The following WWC2 variants were observed in gnomAD, a reference collection of about 807,000 sequenced individuals.
WWC2 encodes protein WWC2.
In WWC2, 101 loss-of-function variants were observed where a neutral mutation model predicts 138.5. That is an observed-to-expected ratio of 0.73 (90% CI 0.62 to 0.86). The LOEUF (loss-of-function observed/expected upper bound fraction) is 0.86, where lower values mean the gene tolerates loss of function less well. Among genes scored for constraint, WWC2 ranks in the 40% least tolerant of loss-of-function variants. The pLI is 0.00. For synonymous variants in WWC2, 558 were observed against 538.4 expected (o/e 1.04, Z -0.50); for missense variants, 1,420 against 1,419.4 (o/e 1.00, Z -0.01).
intron 1 of WWC2, among the ~76,000 whole-genome samples, chr4:183,153,016 C>T (rs2111121062): frequency 6.6e-6 from 1 of 152,270 alleles, no homozygotes; most frequent in South Asian, 2.1e-4. Flanking sequence ...CTGTCTCAGC[C>T]TCCGCAGTAG....
Position 183,107,192 on chromosome 4 carries a change from C to G in WWC2, c.131+7570C>G, listed in dbSNP as rs1192712425. Among the ~76,000 whole-genome samples, 24 of 151,956 alleles carry G rather than the reference C, an allele frequency of 1.6e-4. 1 individual carries two copies. The highest frequency in any genetic ancestry group is 1.6e-3 in the Admixed American group (24 of 15,244). On this transcript the variant is annotated intron_variant, in intron 1 of 22. Transcript: ENST00000403733. ...TCTTCTTTTGAGACGGAGCCGGTCT[C>G]TCTTGCCCAGGCTGGAGTGCAGTGG...
chr4:183,118,639 G>A (rs1732501258), intron 1 of WWC2, among the ~76,000 whole-genome samples: 2 of 152,206 alleles, frequency 1.3e-5, no homozygotes, highest in Admixed American at 6.5e-5. Context: ...TCATCATTTA[G>A]CATTGTGAGT....
chr4:183,107,121 T>C (rs1194381665), intron 1 of WWC2, among the ~76,000 whole-genome samples: 1 of 152,062 alleles, frequency 6.6e-6, no homozygotes, highest in African/African-American at 2.4e-5. Context: ...GTCTCTCTCT[T>C]CTCTTTCCTT....
At chr4:183,122,433 A>G (rs1579959356) in intron 1 of WWC2, among the ~76,000 whole-genome samples, 1 of 152,234 alleles carries the variant, frequency 6.6e-6, no homozygotes, top group African/African-American at 2.4e-5. Flanking sequence ...AAACTCTGAC[A>G]TGACAAAAGG....
chr4:183,135,020 C>T (rs191205418), intron 1 of WWC2, among the ~76,000 whole-genome samples: 117 of 152,090 alleles, frequency 7.7e-4, no homozygotes, highest in African/African-American at 2.7e-3. Context: ...CAGCCTCCAC[C>T]TCCTGGGTTC....
Position 183,231,377 on chromosome 4 carries a change from C to A in WWC2, c.523-8806C>A, listed in dbSNP as rs143193202. On this transcript the variant is annotated intron_variant, in intron 4 of 22. Transcript: ENST00000403733. The stretch of plus-strand genomic sequence containing the variant: ...CTCCGCCTCCTGTGTTCAGGCGATT[C>A]TTGTGCCTCAGCCTCCTGAGTAGCT... Among the ~76,000 whole-genome samples, 1,270 of 140,504 alleles carry A rather than the reference C, an allele frequency of 9.0e-3. 31 individuals carry two copies. Among genetic ancestry groups the A allele is most frequent in the African/African-American group, 0.032 (1,199 of 37,530 alleles). The allele number at this position is 140,504 out of a possible 152,430, so 92.2% of individuals were successfully genotyped here.
intron 20 of WWC2, among the ~76,000 whole-genome samples, chr4:183,288,383 T>C (rs761732087): frequency 6.6e-6 from 1 of 152,208 alleles, no homozygotes; most frequent in Non-Finnish European, 1.5e-5. Flanking sequence ...TTCTTATTAG[T>C]GATCACTTAT....
In WWC2 at chr4:183,261,423, C is replaced by G; in HGVS notation, c.1800C>G (p.Ile600Met). The G allele has an allele frequency of 6.2e-7, 1 of 1,612,490 alleles. No homozygotes were observed. Residue 600 changes from isoleucine (I) to methionine (M), a missense_variant, in exon 11 of 23, where the codon ATC becomes ATG. Transcript: ENST00000403733. ...LSSHFADISL[I>M]ENQILLDSDS... ...GCCATTTTGCAGATATCAGCCTCAT[C>G]GAAAATCAGATTTTGCTGGATTCTG...
intron 17 of WWC2, 81 bp downstream of exon 17, chr4:183,280,978 A>C (rs1400502122): frequency 5.4e-6 from 8 of 1,471,034 alleles, no homozygotes; most frequent in Non-Finnish European, 6.3e-6. Flanking sequence ...TTGTAGGCTC[A>C]TGCTTTATTC....
chr4:183,200,993 T>A (rs1245159144), intron 2 of WWC2, among the ~76,000 whole-genome samples: 1 of 152,216 alleles, frequency 6.6e-6, no homozygotes, highest in Non-Finnish European at 1.5e-5. Flanking sequence ...ACATTTATGT[T>A]CGTTAGAGGA....
At chr4:183,247,542 A>G (rs1033778227) in intron 6 of WWC2, among the ~76,000 whole-genome samples, 1 of 139,564 alleles carries the variant, frequency 7.2e-6, no homozygotes, top group African/African-American at 2.8e-5. Context: ...TATATATACT[A>G]TATATATACT....
rs565628644 is a variant in WWC2 at position 183,267,149 on chromosome 4, G to A, written c.2207+1198G>A. On this transcript the variant is annotated intron_variant, in intron 14 of 22. Coordinates refer to ENST00000403733, the MANE Select transcript of WWC2 (RefSeq NM_024949.6). ...TGGGATTACAGGCGTGAGCCACCGA[G>A]CCCAGCCAAGATAGTAGATTTTAAT... Among the ~76,000 whole-genome samples the A allele has an allele frequency of 2.0e-5, 3 of 152,092 alleles. No homozygotes were observed. The South Asian group carries it at 6.3e-4, about 32-fold the overall frequency.
At chr4:183,261,617 A>C (rs1737334691) in intron 11 of WWC2, 85 bp downstream of exon 11, 1 of 1,411,750 alleles carries the variant, frequency 7.1e-7, no homozygotes, top group African/African-American at 1.4e-5. Flanking sequence ...ATATAAACAA[A>C]GGGTATGATT....
In WWC2 at chr4:183,320,180, TC is replaced by T. The variant is rs1361368849; in HGVS notation, c.*4453del. 3 of 1,614,138 alleles carry T rather than the reference TC, an allele frequency of 1.9e-6. No homozygotes were observed. The highest frequency in any genetic ancestry group is 1.3e-5 in the African/African-American group (1 of 75,034). On this transcript the variant is annotated 3_prime_UTR_variant, in exon 23 of 23. Transcript: ENST00000403733. ...CCCATCCCAGCAAAGATAATGAAAC[TC>T]CAGCTAGTTGAGCTACAGTTCTAAA...
chr4:183,267,483 C>T (rs941393609), intron 14 of WWC2, among the ~76,000 whole-genome samples: 3 of 152,178 alleles, frequency 2.0e-5, no homozygotes, highest in Non-Finnish European at 4.4e-5. Context: ...ATGGAGAAGA[C>T]AAGTCTACCA....
intron 1 of WWC2, among the ~76,000 whole-genome samples, chr4:183,138,266 G>A (rs1004719711): frequency 3.3e-5 from 5 of 152,128 alleles, no homozygotes; most frequent in Admixed American, 3.3e-4. Context: ...TTCTGGGATG[G>A]ATGTGAGTAT....
chr4:183,231,114 G>A (rs1031382138), intron 4 of WWC2, among the ~76,000 whole-genome samples: 1 of 151,910 alleles, frequency 6.6e-6, no homozygotes, highest in African/African-American at 2.4e-5. Context: ...ACAAAACATT[G>A]TAAACTAAAT....
rs1377255412 is a variant in WWC2, at chr4:183,280,906, C to G, written c.2684+9C>G. 6.4e-7 allele frequency: 1 copy of G among 1,552,084 alleles called. No homozygotes were observed. Among genetic ancestry groups the G allele is most frequent in the Non-Finnish European group, 8.7e-7 (1 of 1,148,082 alleles). On this transcript the variant is annotated intron_variant, in intron 17 of 22. Coordinates refer to ENST00000403733, the MANE Select transcript of WWC2 (RefSeq NM_024949.6). ...GGCCCAGATGGAGACTGGTTAAACA[C>G]TTATTTCCTTTGCTGTTGGGAGCTC...
intron 3 of WWC2, 35 bp from the exon 4 acceptor site, chr4:183,208,914 G>A (rs768702954): frequency 7.1e-7 from 1 of 1,417,034 alleles, no homozygotes. Flanking sequence ...TATGCAACTT[G>A]TAAATAATTA....
Sources: allele counts gnomAD v4.1 joint callset (sites outside exome capture counted in the v4.1 genomes callset), GRCh38; gene constraint gnomAD v4.1.1; transcripts MANE v1.5; gene names NCBI Gene and HGNC (gene_info 2026-07-23, HGNC 2026-07-21).